Variants in KDSR observed in about 807,000 individuals in gnomAD.
The protein encoded by KDSR is 3-ketodihydrosphingosine reductase.
A neutral mutation model predicts 41.3 loss-of-function variants in KDSR; 23 were observed. The observed-to-expected ratio is 0.56, with a 90% CI of 0.40 to 0.79. The LOEUF is 0.79. Among genes scored for constraint, KDSR ranks in the 30% least tolerant of loss-of-function variants. The pLI is 0.00. For synonymous variants in KDSR, 138 were observed against 151.7 expected, an observed-to-expected ratio of 0.91 and a Z score of 0.66; for missense variants, 351 against 416.8, an observed-to-expected ratio of 0.84 and a Z score of 1.37.
intron 9 of KDSR, 39 bp from the exon 10 acceptor site, chr18:63,331,940 T>A (rs1914017210): frequency 6.2e-7 from 1 of 1,602,004 alleles, no homozygotes; most frequent in African/African-American, 1.3e-5. Flanking sequence ...CATCCAACGG[T>A]ACAAGACTAT....
chr18:63,366,193 C>G (rs36013534), intron 1 of KDSR: 21,253 of 152,282 alleles, frequency 0.14, 1,654 homozygotes, highest in African/African-American at 0.2. Context: ...AAAGGTGCCA[C>G]ATTTGCAGAA....
chr18:63,333,870 A>G (rs750310034), intron 9 of KDSR, among the ~76,000 whole-genome samples: 1 of 152,162 alleles, frequency 6.6e-6, no homozygotes, highest in African/African-American at 2.4e-5. Flanking sequence ...AATTGCAGAG[A>G]ATGGAAGAAT....
intron 9 of KDSR, among the ~76,000 whole-genome samples, chr18:63,332,874 G>C (rs1191010558): frequency 7.0e-6 from 1 of 142,602 alleles, no homozygotes; most frequent in East Asian, 2.2e-4. Flanking sequence ...AAATCCCTTT[G>C]TTTTTTTCCC....
chr18:63,355,106 C>G (rs1914759747), intron 5 of KDSR, 98 bp downstream of exon 5: 1 of 779,834 alleles, frequency 1.3e-6, no homozygotes, highest in African/African-American at 1.7e-5. Context: ...CCATGGACAT[C>G]TGAATGCATT....
Position 63,331,301 on chromosome 18 carries a change from ACAGAGAG to A in KDSR, c.*474_*480del, listed in dbSNP as rs1284411711. On this transcript the variant is annotated 3_prime_UTR_variant, in exon 10 of 10. Coordinates refer to ENST00000645214, the MANE Select transcript of KDSR (RefSeq NM_002035.4). ...GAGAGAGAGACAGAGAGACAGAGAG[ACAGAGAG>A]ACAGAGAGACAGAGAGACAGAGAGA... 1 of 222,876 alleles carries A rather than the reference ACAGAGAG, an allele frequency of 4.5e-6. No individual in the cohort carries two copies. The highest frequency in any genetic ancestry group is 2.3e-5 in the African/African-American group (1 of 42,632). The allele number at this position is 222,876 out of a possible 1,614,324, so 13.8% of individuals were successfully genotyped here. A position where few individuals can be genotyped will look rare whatever the true frequency, so the allele number is the denominator to read the frequency against.
At chr18:63,357,538 AT>A (rs1348117535) in intron 3 of KDSR, among the ~76,000 whole-genome samples, 1 of 146,182 alleles carries the variant, frequency 6.8e-6, no homozygotes, top group African/African-American at 2.5e-5. Context: ...TTATATATAT[AT>A]ATACACATAT....
In KDSR at chr18:63,330,148, T is replaced by A. The variant is rs2849383; in HGVS notation, c.*1634A>T. On this transcript the variant is annotated 3_prime_UTR_variant, in exon 10 of 10. Coordinates refer to ENST00000645214, the MANE Select transcript of KDSR (RefSeq NM_002035.4). Reference sequence around the variant, plus strand: ...TTTTAAAAAGTTAAGTCATTTAAAGTCAAGAGCTTCAAAAACTCAAGAGCA... The same window carrying A: ...TTTTAAAAAGTTAAGTCATTTAAAGACAAGAGCTTCAAAAACTCAAGAGCA... 0.28 allele frequency: 54,228 copies of A among 193,710 alleles called. 7,731 individuals carry two copies. The highest frequency in any genetic ancestry group is 0.32 in the Admixed American group (5,287 of 16,406). The allele number at this position is 193,710 out of a possible 1,614,324, so 12.0% of individuals were successfully genotyped here. A position where few individuals can be genotyped will look rare whatever the true frequency, so the allele number is the denominator to read the frequency against.
chr18:63,363,509 A>T (rs563219251), intron 1 of KDSR, among the ~76,000 whole-genome samples: 63 of 148,748 alleles, frequency 4.2e-4, no homozygotes, highest in African/African-American at 1.5e-3. Context: ...ACTGAGAATG[A>T]TGGTTTCCAA....
At chr18:63,337,113 A>ACTATATATATATATATATATATAT (rs1555713254) in intron 8 of KDSR, among the ~76,000 whole-genome samples, 1 of 127,774 alleles carries the variant, frequency 7.8e-6, no homozygotes, top group Non-Finnish European at 1.6e-5. Context: ...TATATATGTG[A>ACTATATATATATATATATATATAT]ATATATATAT....
In KDSR at chr18:63,350,091, G is replaced by A. The variant is rs1914620047; in HGVS notation, c.609+797C>T. 2.0e-5 allele frequency among the ~76,000 whole-genome samples: 3 copies of A among 152,304 alleles called. No individual in the cohort carries two copies. The South Asian group carries it at 6.2e-4, about 32-fold the overall frequency. On this transcript the variant is annotated intron_variant, in intron 6 of 9. Coordinates refer to ENST00000645214, the MANE Select transcript of KDSR (RefSeq NM_002035.4). The stretch of plus-strand genomic sequence containing the variant: ...GGGGTCTTAGCTCACATCCCTTGCG[G>A]ATAAGAGGGGATGACTGTACACAGC...
In KDSR at chr18:63,330,803, T is replaced by C. The variant is rs1459982245; in HGVS notation, c.*979A>G. ...AAGTCGAAAATTTTAGCTGGTCTTT[T>C]TTTTCCTTTTTTTTTTTTTTTACAA... On this transcript the variant is annotated 3_prime_UTR_variant, in exon 10 of 10. Transcript: ENST00000645214. 4 of 229,746 alleles carry C rather than the reference T, an allele frequency of 1.7e-5. No homozygotes were observed. Among genetic ancestry groups the C allele is most frequent in the Non-Finnish European group, 3.4e-5 (4 of 116,238 alleles). 14.2% of individuals were successfully genotyped at this position (229,746 alleles called of 1,614,324 possible). A position where few individuals can be genotyped will look rare whatever the true frequency, so the allele number is the denominator to read the frequency against.
At chr18:63,335,177 T>C in intron 9 of KDSR, 80 bp downstream of exon 9, 1 of 873,908 alleles carries the variant, frequency 1.1e-6, no homozygotes, top group Middle Eastern at 2.2e-4. Flanking sequence ...TCCCTTAACC[T>C]CTTCTCATCA....
intron 8 of KDSR, chr18:63,336,049 C>T (rs932931841): frequency 1.3e-5 from 2 of 152,202 alleles, no homozygotes; most frequent in African/African-American, 4.8e-5. Flanking sequence ...TATTTATTTT[C>T]GACAGAATCT....
intron 1 of KDSR, chr18:63,366,691 C>T (rs1258298591): frequency 7.2e-6 from 2 of 277,138 alleles, no homozygotes; most frequent in Non-Finnish European, 1.4e-5. Context: ...ACAAAACATC[C>T]ACATCCCAGG....
intron 5 of KDSR, among the ~76,000 whole-genome samples, chr18:63,353,802 G>C (rs574735582): frequency 1.3e-5 from 2 of 152,244 alleles, no homozygotes; most frequent in Non-Finnish European, 2.9e-5. Context: ...GGTTGTCAGA[G>C]ATTGGGTGTG....
At chr18:63,355,012 T>G (rs1198141740) in intron 5 of KDSR, among the ~76,000 whole-genome samples, 192 bp downstream of exon 5, 1 of 152,252 alleles carries the variant, frequency 6.6e-6, no homozygotes, top group Non-Finnish European at 1.5e-5. Context: ...TCTAAACTCT[T>G]AAGCTTCAAT....
intron 2 of KDSR, 64 bp from the exon 3 acceptor site, chr18:63,359,856 G>A: frequency 1.8e-6 from 2 of 1,139,152 alleles, no homozygotes; most frequent in Admixed American, 1.7e-5. Flanking sequence ...TTATTGCAAA[G>A]GAGAGAAAAA....
rs769549932 is a variant in KDSR at position 63,344,429 on chromosome 18, G to C, written c.674C>G (p.Ala225Gly). ...YPPDTDTPGF[A>G]EENRTKPLET... ...ACTGACCTTTGTTCTGTTTTCTTCG[G>C]CAAAGCCAGGTGTGTCTGTGTCTGG... is the stretch of plus-strand genomic sequence containing the variant. Residue 225 changes from alanine (A) to glycine (G), a missense_variant, in exon 7 of 10, where the codon GCC (alanine) becomes GGC (glycine). Coordinates refer to ENST00000645214, the MANE Select transcript of KDSR (RefSeq NM_002035.4). 6.2e-7 allele frequency: 1 copy of C among 1,613,476 alleles called. No individual in the cohort carries two copies. The highest frequency in any genetic ancestry group is 8.5e-7 in the Non-Finnish European group (1 of 1,179,440).
intron 7 of KDSR, 177 bp downstream of exon 7, chr18:63,344,233 G>A (rs781579088): frequency 1.9e-6 from 1 of 533,272 alleles, no homozygotes; most frequent in Non-Finnish European, 3.4e-6. Flanking sequence ...TGAGGGAAAA[G>A]AGGAAGGAAA....
Sources: gnomAD v4.1 joint callset for allele counts (sites outside exome capture counted in the v4.1 genomes callset) on GRCh38, gnomAD v4.1.1 for gene constraint, MANE v1.5 for transcripts, NCBI Gene and HGNC (gene_info 2026-07-23, HGNC 2026-07-21) for gene names.